The following SRRM4 variants were observed in gnomAD, a reference collection of about 807,000 sequenced individuals.
SRRM4 encodes the protein serine/arginine repetitive matrix protein 4.
SRRM4 carries 33 observed loss-of-function variants against 68.9 expected under a neutral mutation model. The ratio of observed to expected loss-of-function variants is 0.48; its 90% CI spans 0.36 to 0.64. The LOEUF (loss-of-function observed/expected upper bound fraction) is 0.64, where lower values mean the gene tolerates loss of function less well. SRRM4 is among the 30% of genes least tolerant of loss of function. SRRM4 has a pLI of 0.00. For synonymous variants in SRRM4, 318 were observed against 318.8 expected, an observed-to-expected ratio of 1.00 and a Z score of 0.03; for missense variants, 817 against 827.1, an observed-to-expected ratio of 0.99 and a Z score of 0.15.
intron 7 of SRRM4, among the ~76,000 whole-genome samples, chr12:119,125,688 G>A (rs912490187): frequency 2.0e-5 from 3 of 152,202 alleles, no homozygotes; most frequent in African/African-American, 4.8e-5. Context: ...TTGGGAGGCC[G>A]AGGTGGCCAA....
chr12:119,017,556 G>T (rs1039163526), intron 1 of SRRM4, among the ~76,000 whole-genome samples: 37 of 152,204 alleles, frequency 2.4e-4, no homozygotes, highest in African/African-American at 7.5e-4. Flanking sequence ...GAGTGTAAGG[G>T]GGTGGCAGGA....
At chr12:119,145,326 A>C in intron 8 of SRRM4, 55 bp from the exon 9 acceptor site, 1 of 1,452,280 alleles carries the variant, frequency 6.9e-7, no homozygotes, top group Non-Finnish European at 9.3e-7. Context: ...GGTTATTTAG[A>C]AACAGCCCAT....
At chr12:119,060,269 T>C (rs1953802666) in intron 1 of SRRM4, among the ~76,000 whole-genome samples, 1 of 151,548 alleles carries the variant, frequency 6.6e-6, no homozygotes, top group South Asian at 2.1e-4. Context: ...ATTACTCACT[T>C]CGGTGGACAG....
intron 8 of SRRM4, among the ~76,000 whole-genome samples, chr12:119,140,660 A>G (rs1307778970): frequency 6.6e-6 from 1 of 152,204 alleles, no homozygotes; most frequent in Admixed American, 6.5e-5. Flanking sequence ...AGTAGCAGAG[A>G]GTGGAATAAG....
chr12:119,064,182 C>G (rs1953831623), intron 1 of SRRM4, among the ~76,000 whole-genome samples: 2 of 152,102 alleles, frequency 1.3e-5, no homozygotes, highest in Non-Finnish European at 2.9e-5. Flanking sequence ...TTCCAAAAAC[C>G]CCATTATTAA....
At chr12:118,991,338 C>A (rs1224213308) in intron 1 of SRRM4, among the ~76,000 whole-genome samples, 1 of 152,258 alleles carries the variant, frequency 6.6e-6, no homozygotes, top group East Asian at 1.9e-4. Flanking sequence ...CTGATTTATA[C>A]CTACTCCACT....
At chr12:118,984,399 C>T (rs549310611) in intron 1 of SRRM4, among the ~76,000 whole-genome samples, 2 of 152,274 alleles carry the variant, frequency 1.3e-5, no homozygotes, top group South Asian at 2.1e-4. Flanking sequence ...TTGGTCTCAT[C>T]AGAAATGTCG....
At chr12:119,047,820 C>T (rs946723417) in intron 1 of SRRM4, among the ~76,000 whole-genome samples, 2 of 152,228 alleles carry the variant, frequency 1.3e-5, no homozygotes, top group African/African-American at 4.8e-5. Context: ...GAGCAGGTCA[C>T]ATGATCAACC....
chr12:119,059,319 T>G (rs1953796540), intron 1 of SRRM4, among the ~76,000 whole-genome samples: 2 of 152,256 alleles, frequency 1.3e-5, no homozygotes, highest in South Asian at 2.1e-4. Flanking sequence ...GTGTGACAGG[T>G]GCTGTGACAA....
At chr12:119,060,972 T>G (rs1383523022) in intron 1 of SRRM4, among the ~76,000 whole-genome samples, 1 of 152,138 alleles carries the variant, frequency 6.6e-6, no homozygotes, top group African/African-American at 2.4e-5. Flanking sequence ...CCCCACCTCC[T>G]CCTGTAGGAC....
At chr12:119,143,051 A>G (rs561005746) in intron 8 of SRRM4, among the ~76,000 whole-genome samples, 12 of 152,302 alleles carry the variant, frequency 7.9e-5, no homozygotes, top group African/African-American at 2.9e-4. Context: ...TGTGCCATGC[A>G]GGTAAAGTGG....
intron 1 of SRRM4, among the ~76,000 whole-genome samples, chr12:119,086,583 T>C (rs1953980889): frequency 6.6e-6 from 1 of 152,218 alleles, no homozygotes; most frequent in African/African-American, 2.4e-5. Flanking sequence ...GATGCCATAG[T>C]GTACATTCAC....
intron 1 of SRRM4, among the ~76,000 whole-genome samples, chr12:119,023,197 T>C (rs1953526787): frequency 6.6e-6 from 1 of 152,188 alleles, no homozygotes; most frequent in Admixed American, 6.5e-5. Context: ...TAGCAATTCC[T>C]TGCTCCCTTT....
intron 1 of SRRM4, among the ~76,000 whole-genome samples, chr12:119,093,557 C>G (rs1430428031): frequency 6.6e-6 from 1 of 152,142 alleles, no homozygotes; most frequent in African/African-American, 2.4e-5. Context: ...AGCAACTCGC[C>G]CTCCCCGGAG....
At chr12:119,000,465 T>A (rs1432650226) in intron 1 of SRRM4, among the ~76,000 whole-genome samples, 1 of 152,138 alleles carries the variant, frequency 6.6e-6, no homozygotes, top group Non-Finnish European at 1.5e-5. Context: ...TCCAATACAT[T>A]TGACCCCAGT....
At chr12:119,147,949 A>T (rs55993645) in intron 9 of SRRM4, among the ~76,000 whole-genome samples, 1 of 152,342 alleles carries the variant, frequency 6.6e-6, no homozygotes, top group Non-Finnish European at 1.5e-5. Flanking sequence ...CTTGTTTATC[A>T]GGCAAGTCCT....
At chr12:119,003,693 C>G (rs909199257) in intron 1 of SRRM4, among the ~76,000 whole-genome samples, 1 of 151,868 alleles carries the variant, frequency 6.6e-6, no homozygotes, top group African/African-American at 2.4e-5. Context: ...GTCTTGTCAC[C>G]CCCAGCTCCC....
intron 1 of SRRM4, among the ~76,000 whole-genome samples, chr12:119,029,671 A>G (rs1042425735): frequency 3.9e-5 from 6 of 152,104 alleles, no homozygotes; most frequent in Admixed American, 3.9e-4. Context: ...AGGGAAAGAA[A>G]ATGTAGAGAG....
At chr12:119,079,298 C>A (rs565903349) in intron 1 of SRRM4, among the ~76,000 whole-genome samples, 59 of 152,182 alleles carry the variant, frequency 3.9e-4, no homozygotes, top group African/African-American at 1.4e-3. Context: ...GAGCCACAGT[C>A]GGGAGTCTGA....
Sources: allele counts gnomAD v4.1 joint callset (sites outside exome capture counted in the v4.1 genomes callset), GRCh38; gene constraint gnomAD v4.1.1; transcripts MANE v1.5; gene names NCBI Gene and HGNC (gene_info 2026-07-23, HGNC 2026-07-21).